Variants in SLC71A2 observed in about 807,000 individuals in gnomAD.
SLC71A2 encodes hippocampus abundant transcript-like 1.
chr9:94,402,479 T>C, the SLC71A2 span, among the ~76,000 whole-genome samples: 1 of 151,992 alleles, frequency 6.6e-6, no homozygotes, highest in Non-Finnish European at 1.5e-5. Context: ...CCCAAAAGAG[T>C]CCCTATATCT....
the SLC71A2 span, among the ~76,000 whole-genome samples, chr9:94,422,143 C>G: frequency 6.6e-6 from 1 of 152,214 alleles, no homozygotes; most frequent in South Asian, 2.1e-4. Flanking sequence ...TTCGGACTCC[C>G]AAAGTGCTTG....
the SLC71A2 span, chr9:94,433,183 G>T: frequency 3.9e-6 from 1 of 253,854 alleles, no homozygotes; most frequent in South Asian, 4.6e-5. Flanking sequence ...TGGTGGGATG[G>T]CTACCATGGT....
At chr9:94,440,141 A>G in the SLC71A2 span, among the ~76,000 whole-genome samples, 1 of 151,982 alleles carries the variant, frequency 6.6e-6, no homozygotes, top group South Asian at 2.1e-4. Context: ...ATTAATGGAT[A>G]TTATTTGCCT....
At chr9:94,388,791 C>T in the SLC71A2 span, among the ~76,000 whole-genome samples, 1 of 151,766 alleles carries the variant, frequency 6.6e-6, no homozygotes, top group Non-Finnish European at 1.5e-5. Flanking sequence ...TTCATTTATA[C>T]GTTTTCTACT....
chr9:94,388,206 GAAAAAAGAGTCAT>G, the SLC71A2 span, among the ~76,000 whole-genome samples: 433 of 152,232 alleles, frequency 2.8e-3, 21 homozygotes, highest in South Asian at 0.086. Context: ...CATGGGTCAT[GAAAAAAGAGTCAT>G]AAAATGTGTG....
chr9:94,452,668 C>G, the SLC71A2 span, among the ~76,000 whole-genome samples: 1 of 48,078 alleles, frequency 2.1e-5, no homozygotes, highest in East Asian at 5.5e-4. Context: ...CATATATATT[C>G]ATATATATTC....
chr9:94,418,794 A>C, the SLC71A2 span, among the ~76,000 whole-genome samples: 2 of 122,220 alleles, frequency 1.6e-5, no homozygotes, highest in African/African-American at 3.2e-5. Flanking sequence ...GGGTCTCACT[A>C]TGTTGTCTAG....
chr9:94,376,634 T>C, the SLC71A2 span, among the ~76,000 whole-genome samples: 4 of 127,132 alleles, frequency 3.1e-5, no homozygotes, highest in African/African-American at 1.2e-4. Context: ...TCCTGATTAA[T>C]AATGGCATTT....
At chr9:94,415,971 T>A in the SLC71A2 span, among the ~76,000 whole-genome samples, 1 of 152,194 alleles carries the variant, frequency 6.6e-6, no homozygotes, top group African/African-American at 2.4e-5. Context: ...TTTGTAACAA[T>A]GAGTAATAAT....
the SLC71A2 span, among the ~76,000 whole-genome samples, chr9:94,416,680 C>A: frequency 6.6e-6 from 1 of 151,996 alleles, no homozygotes; most frequent in Non-Finnish European, 1.5e-5. Flanking sequence ...CATGGAGAAA[C>A]CCTGTCTCTA....
chr9:94,448,859 CT>C, the SLC71A2 span, among the ~76,000 whole-genome samples: 3 of 152,160 alleles, frequency 2.0e-5, no homozygotes, highest in African/African-American at 7.2e-5. Flanking sequence ...TCTTGAACTC[CT>C]GGTCTCAAGT....
At chr9:94,452,614 A>AAT in the SLC71A2 span, among the ~76,000 whole-genome samples, 3,143 of 140,948 alleles carry the variant, frequency 0.022, 65 homozygotes, top group Middle Eastern at 0.055. Context: ...AGAGAGGGAG[A>AAT]ATATATATAT....
At chr9:94,424,094 C>T in the SLC71A2 span, among the ~76,000 whole-genome samples, 143 of 152,276 alleles carry the variant, frequency 9.4e-4, no homozygotes, top group African/African-American at 3.3e-3. Context: ...ATTCTTCTTT[C>T]CCCACTGTAC....
At chr9:94,405,077 C>T in the SLC71A2 span, among the ~76,000 whole-genome samples, 4 of 152,174 alleles carry the variant, frequency 2.6e-5, no homozygotes, top group East Asian at 1.9e-4. Context: ...GTTTTTCCAT[C>T]ACCATTTGCT....
At chr9:94,460,715 T>C in the SLC71A2 span, 5 of 152,544 alleles carry the variant, frequency 3.3e-5, no homozygotes, top group African/African-American at 1.2e-4. Flanking sequence ...TGTGTAAATC[T>C]TGTATTTATA....
At chr9:94,384,475 G>T in the SLC71A2 span, among the ~76,000 whole-genome samples, 3 of 151,898 alleles carry the variant, frequency 2.0e-5, no homozygotes, top group Non-Finnish European at 4.4e-5. Context: ...AAGTAGCTGA[G>T]AGTACAGGCG....
the SLC71A2 span, among the ~76,000 whole-genome samples, chr9:94,428,788 C>T: frequency 2.0e-5 from 3 of 151,988 alleles, no homozygotes; most frequent in African/African-American, 7.2e-5. Context: ...AAAGCATTTT[C>T]ATTGCCCTAA....
the SLC71A2 span, among the ~76,000 whole-genome samples, chr9:94,396,840 G>T: frequency 6.6e-6 from 1 of 152,050 alleles, no homozygotes; most frequent in Non-Finnish European, 1.5e-5. Context: ...GCAGGATCTC[G>T]GCTTACCACA....
the SLC71A2 span, chr9:94,460,939 T>A: frequency 1.4e-4 from 22 of 152,212 alleles, no homozygotes; most frequent in Non-Finnish European, 2.4e-4. Context: ...GTCTTTTTTT[T>A]AAAGCAAATA....
Sources: gnomAD v4.1 joint callset for allele counts (sites outside exome capture counted in the v4.1 genomes callset) on GRCh38, gnomAD v4.1.1 for gene constraint, MANE v1.5 for transcripts, NCBI Gene and HGNC (gene_info 2026-07-23, HGNC 2026-07-21) for gene names.